The following UNC5C variants were observed in gnomAD, a reference collection of about 807,000 sequenced individuals.
UNC5C encodes the protein netrin receptor UNC5C.
UNC5C carries 47 observed loss-of-function variants against 99.8 expected under a neutral mutation model. The ratio of observed to expected loss-of-function variants is 0.47; its 90% confidence interval spans 0.37 to 0.60. The LOEUF (loss-of-function observed/expected upper bound fraction) is 0.60, where lower values mean the gene tolerates loss of function less well. Ranked by LOEUF, UNC5C falls within the 20% of genes least tolerant of loss-of-function variation. The pLI is 0.00. For missense variants in UNC5C, 1,062 were observed against 1,165.9 expected (o/e 0.91, Z 1.30); for synonymous variants, 487 against 452.2 (o/e 1.08, Z -0.98).
chr4:95,396,969 C>G (rs1272556165), intron 1 of UNC5C, among the ~76,000 whole-genome samples: 1 of 152,106 alleles, frequency 6.6e-6, no homozygotes, highest in Non-Finnish European at 1.5e-5. Flanking sequence ...TACGAAGCCC[C>G]TCTCATGTGC....
At position 95,220,025 on chromosome 4, in the gene UNC5C, A is replaced by G. The variant is rs755231437; in HGVS notation, c.1260T>C (p.Asn420=). Reference sequence around the variant, plus strand: ...TGATGTTCACAGGCTGAAAGCCCCCATTGAGTGCCGAAGAGTCAATAATAT... The same window carrying G: ...TGATGTTCACAGGCTGAAAGCCCCCGTTGAGTGCCGAAGAGTCAATAATAT... ...ESDIIDSSAL[N]GGFQPVNIKA... is the part of the protein sequence containing the mutation. The change falls in exon 8 of 16, where the codon AAT becomes AAC. Residue 420 remains asparagine (N), a synonymous_variant. Transcript: ENST00000453304. 5.3e-5 allele frequency: 85 copies of G among 1,614,086 alleles called. No individual in the cohort carries two copies. Among genetic ancestry groups the G allele is most frequent in the Non-Finnish European group, 7.2e-5 (85 of 1,179,956 alleles).
chr4:95,183,448 A>G (rs1390705795), intron 13 of UNC5C, among the ~76,000 whole-genome samples: 1 of 152,222 alleles, frequency 6.6e-6, no homozygotes, highest in South Asian at 2.1e-4. Flanking sequence ...ATTGCTCATT[A>G]ATAGAATCCC....
intron 1 of UNC5C, among the ~76,000 whole-genome samples, chr4:95,517,209 T>A (rs961181454): frequency 2.6e-5 from 4 of 152,200 alleles, no homozygotes; most frequent in Non-Finnish European, 5.9e-5. Context: ...AAGATACTGT[T>A]ATCTTATTCC....
At chr4:95,367,314 G>A (rs913553970) in intron 1 of UNC5C, among the ~76,000 whole-genome samples, 11 of 151,162 alleles carry the variant, frequency 7.3e-5, no homozygotes, top group African/African-American at 1.9e-4. Context: ...GATTATGGGC[G>A]TACACCACCA....
intron 1 of UNC5C, among the ~76,000 whole-genome samples, chr4:95,467,176 T>C (rs1747808089): frequency 6.6e-6 from 1 of 152,322 alleles, no homozygotes; most frequent in Middle Eastern, 3.4e-3. Flanking sequence ...GATTCTGAGC[T>C]AGAGCCAACT....
chr4:95,227,882 C>T, intron 7 of UNC5C, among the ~76,000 whole-genome samples: 1 of 152,282 alleles, frequency 6.6e-6, no homozygotes, highest in East Asian at 1.9e-4. Flanking sequence ...CATTTCCTGG[C>T]TGCTGGTAGT....
intron 1 of UNC5C, among the ~76,000 whole-genome samples, chr4:95,499,165 G>T (rs905707787): frequency 6.6e-6 from 1 of 152,062 alleles, no homozygotes; most frequent in Non-Finnish European, 1.5e-5. Context: ...TTGAGAAAAG[G>T]TTGGAATCTG....
At chr4:95,455,287 A>G (rs2062043951) in intron 1 of UNC5C, among the ~76,000 whole-genome samples, 1 of 152,054 alleles carries the variant, frequency 6.6e-6, no homozygotes, top group South Asian at 2.1e-4. Flanking sequence ...TAAGCTGGAG[A>G]TAGAGGTAAG....
intron 12 of UNC5C, among the ~76,000 whole-genome samples, chr4:95,200,095 C>T (rs1474606394): frequency 6.6e-6 from 1 of 152,198 alleles, no homozygotes; most frequent in Non-Finnish European, 1.5e-5. Flanking sequence ...TTCTAGCTCA[C>T]CTTCCTGTTT....
At chr4:95,237,053 A>G (rs576723404) in intron 7 of UNC5C, among the ~76,000 whole-genome samples, 2 of 152,294 alleles carry the variant, frequency 1.3e-5, no homozygotes, top group African/African-American at 4.8e-5. Context: ...ACTTTAAACC[A>G]TCTCTAGGTT....
chr4:95,429,526 C>T (rs73838826), intron 1 of UNC5C, among the ~76,000 whole-genome samples: 2 of 151,914 alleles, frequency 1.3e-5, no homozygotes, highest in African/African-American at 4.8e-5. Flanking sequence ...TCAAATCCTC[C>T]CACTTTCAAA....
intron 1 of UNC5C, among the ~76,000 whole-genome samples, chr4:95,356,334 T>G (rs758248043): frequency 2.6e-5 from 4 of 152,202 alleles, no homozygotes; most frequent in East Asian, 1.9e-4. Context: ...ATAATCAAAA[T>G]TTCAGAATTT....
intron 3 of UNC5C, among the ~76,000 whole-genome samples, chr4:95,297,551 T>TTA (rs1394415416): frequency 6.6e-6 from 1 of 152,122 alleles, no homozygotes. Flanking sequence ...GAAACACAAA[T>TTA]TTTACGAGTG....
chr4:95,521,234 T>TGAGGTG (rs1722350090), intron 1 of UNC5C, among the ~76,000 whole-genome samples: 1 of 142,582 alleles, frequency 7.0e-6, no homozygotes, highest in Non-Finnish European at 1.5e-5. Flanking sequence ...CTTTTTTTTT[T>TGAGGTG]GAGGTGGAGT....
chr4:95,468,731 C>A (rs538299381), intron 1 of UNC5C, among the ~76,000 whole-genome samples: 64 of 152,220 alleles, frequency 4.2e-4, no homozygotes, highest in Middle Eastern at 6.8e-3. Flanking sequence ...CCTTAAAGGT[C>A]TTAATGACAC....
rs1196543757 is a variant in UNC5C, at chr4:95,165,043, G to C, written c.*4191C>G. The C allele has an allele frequency of 6.6e-6, 1 of 152,196 alleles. No individual in the cohort carries two copies. Among genetic ancestry groups the C allele is most frequent in the African/African-American group, 2.4e-5 (1 of 41,460 alleles). 9.4% of individuals were successfully genotyped at this position (152,196 alleles called of 1,614,324 possible). A position where few individuals can be genotyped will look rare whatever the true frequency, so the allele number is the denominator to read the frequency against. ...GATTACAGAGGAGTAAGCAGACCAA[G>C]AGCACAGCTGCTGTGATCCTGACAG... is the stretch of plus-strand genomic sequence containing the variant. On this transcript the variant is annotated 3_prime_UTR_variant, in exon 16 of 16. Coordinates refer to ENST00000453304, the MANE Select transcript of UNC5C (RefSeq NM_003728.4).
chr4:95,217,586 T>C (rs1290187218), intron 9 of UNC5C, among the ~76,000 whole-genome samples: 1 of 152,232 alleles, frequency 6.6e-6, no homozygotes, highest in Non-Finnish European at 1.5e-5. Context: ...AAATATCATA[T>C]GTTGATCACC....
intron 12 of UNC5C, among the ~76,000 whole-genome samples, chr4:95,199,448 C>T (rs566665245): frequency 6.6e-6 from 1 of 152,096 alleles, no homozygotes; most frequent in Non-Finnish European, 1.5e-5. Context: ...ATGTTTGTTT[C>T]AGGCTAAGTG....
Position 95,175,384 on chromosome 4 carries a change from G to T in UNC5C, c.2452-5052C>A, listed in dbSNP as rs199722942. Among the ~76,000 whole-genome samples, 650 of 151,912 alleles carry T rather than the reference G, an allele frequency of 4.3e-3. 19 individuals are homozygous for T. In the East Asian group the frequency reaches 0.084, roughly 20 times the overall value. On this transcript the variant is annotated intron_variant, in intron 14 of 15. Coordinates refer to ENST00000453304, the MANE Select transcript of UNC5C (RefSeq NM_003728.4). ...CATGATTTTGCAGTGGCTGGTACCG[G>T]TTGTTCCTTTCCATGTTTAGTGCTT...
Sources: allele counts gnomAD v4.1 joint callset (sites outside exome capture counted in the v4.1 genomes callset), GRCh38; gene constraint gnomAD v4.1.1; transcripts MANE v1.5; gene names NCBI Gene and HGNC (gene_info 2026-07-23, HGNC 2026-07-21).